PRORP: variants seen among roughly 807,000 people sequenced by gnomAD.
The protein encoded by PRORP is protein only RNase P catalytic subunit.
Under a neutral mutation model 59.4 loss-of-function variants are expected in PRORP, and 51 were observed. The observed-to-expected ratio is 0.86, with a 90% CI of 0.69 to 1.08. The LOEUF (loss-of-function observed/expected upper bound fraction) is 1.08. Among genes scored for constraint, PRORP ranks in the 50% least tolerant of loss-of-function variants. PRORP has a pLI of 0.00. For missense variants in PRORP, 646 were observed against 690.3 expected, an observed-to-expected ratio of 0.94 and a Z score of 0.72; for synonymous variants, 231 against 245.6, an observed-to-expected ratio of 0.94 and a Z score of 0.55.
intron 5 of PRORP, among the ~76,000 whole-genome samples, chr14:35,223,510 A>C (rs2049850206): frequency 7.5e-6 from 1 of 132,832 alleles, no homozygotes; most frequent in South Asian, 2.3e-4. Context: ...CCCAGGCTGG[A>C]GTGCAGTGGT....
chr14:35,122,960 A>G lies in PRORP; in HGVS notation c.-286A>G. The G allele has an allele frequency of 2.8e-6, 1 of 361,002 alleles. No individual in the cohort carries two copies. The highest frequency in any genetic ancestry group is 5.1e-6 in the Non-Finnish European group (1 of 196,216). The allele number at this position is 361,002 out of a possible 1,614,324, so 22.4% of individuals were successfully genotyped here. ...TTGTGCTTTTTCCTCAGGTTCATGA[A>G]CTGGAATGTAAGAGGCACCAGAGGA... On this transcript the variant is annotated 5_prime_UTR_variant, in exon 2 of 8. Transcript: ENST00000534898.
chr14:35,157,338 A>G (rs918010367), intron 4 of PRORP, among the ~76,000 whole-genome samples: 2 of 152,084 alleles, frequency 1.3e-5, no homozygotes, highest in African/African-American at 4.8e-5. Context: ...GTTTCTTCCC[A>G]AGTCATTCAC....
At chr14:35,192,447 G>A (rs1388093138) in intron 5 of PRORP, among the ~76,000 whole-genome samples, 1 of 152,124 alleles carries the variant, frequency 6.6e-6, no homozygotes, top group Non-Finnish European at 1.5e-5. Context: ...TGCCTGGATT[G>A]TCTTTTTCAA....
chr14:35,173,376 G>T (rs954705351), intron 4 of PRORP, among the ~76,000 whole-genome samples: 16 of 152,150 alleles, frequency 1.1e-4, no homozygotes, highest in Admixed American at 6.5e-5. Context: ...ACTCCAAACT[G>T]TCTCCCTTGC....
intron 5 of PRORP, among the ~76,000 whole-genome samples, chr14:35,216,456 G>A (rs1484542961): frequency 6.6e-6 from 1 of 151,686 alleles, no homozygotes; most frequent in African/African-American, 2.4e-5. Context: ...CCAGAGGCAC[G>A]TGCCACCACA....
At chr14:35,132,805 A>C (rs982157615) in intron 4 of PRORP, among the ~76,000 whole-genome samples, 1 of 151,526 alleles carries the variant, frequency 6.6e-6, no homozygotes, top group African/African-American at 2.4e-5. Flanking sequence ...AAAAAAGGGA[A>C]GAAGGAAAGG....
chr14:35,165,582 AT>A (rs958559296), intron 4 of PRORP, among the ~76,000 whole-genome samples: 3 of 151,958 alleles, frequency 2.0e-5, no homozygotes, highest in African/African-American at 7.3e-5. Context: ...AGTGTGTAGG[AT>A]TTTTTTCTTT....
chr14:35,155,059 A>G (rs1220981413), intron 4 of PRORP, among the ~76,000 whole-genome samples: 1 of 151,916 alleles, frequency 6.6e-6, no homozygotes, highest in Non-Finnish European at 1.5e-5. Flanking sequence ...CACATCAGCT[A>G]AGTTTTGTAC....
At chr14:35,209,595 A>G (rs2049385190) in intron 5 of PRORP, among the ~76,000 whole-genome samples, 1 of 152,084 alleles carries the variant, frequency 6.6e-6, no homozygotes, top group Non-Finnish European at 1.5e-5. Flanking sequence ...TCTGTTGCCC[A>G]GGCTGGAGTG....
At chr14:35,207,127 T>C (rs1038520469) in intron 5 of PRORP, among the ~76,000 whole-genome samples, 5 of 152,196 alleles carry the variant, frequency 3.3e-5, no homozygotes, top group African/African-American at 1.2e-4. Flanking sequence ...AACAGCCTAA[T>C]ATGCCAAACA....
chr14:35,137,854 A>T (rs2047406626), intron 4 of PRORP, among the ~76,000 whole-genome samples: 1 of 145,486 alleles, frequency 6.9e-6, no homozygotes, highest in Non-Finnish European at 1.5e-5. Context: ...AGGAAGGCCA[A>T]AGAGCACTAT....
intron 5 of PRORP, among the ~76,000 whole-genome samples, chr14:35,265,117 A>C (rs1479973059): frequency 6.6e-6 from 1 of 152,244 alleles, no homozygotes; most frequent in Non-Finnish European, 1.5e-5. Flanking sequence ...CTGATTAAAT[A>C]AATGAATTCA....
At chr14:35,271,803 T>C (rs1229949060) in intron 7 of PRORP, among the ~76,000 whole-genome samples, 1 of 152,126 alleles carries the variant, frequency 6.6e-6, no homozygotes, top group Non-Finnish European at 1.5e-5. Flanking sequence ...GGCAGGTGGA[T>C]CACTTGAGGG....
chr14:35,233,710 CT>C (rs911881646), intron 5 of PRORP, among the ~76,000 whole-genome samples: 3 of 150,904 alleles, frequency 2.0e-5, no homozygotes, highest in South Asian at 2.1e-4. Flanking sequence ...TTTTCGTTTC[CT>C]TTTTTTTTCC....
chr14:35,264,254 A>G (rs2050980972), intron 5 of PRORP, among the ~76,000 whole-genome samples: 1 of 151,910 alleles, frequency 6.6e-6, no homozygotes, highest in African/African-American at 2.4e-5. Context: ...CAGCCTCCCC[A>G]GTAGCTGGGA....
rs746022783 is a variant in PRORP, at chr14:35,126,769, A to G, written c.1021A>G (p.Thr341Ala). 1 of 1,610,110 alleles carries G rather than the reference A, an allele frequency of 6.2e-7. No individual in the cohort carries two copies. Among genetic ancestry groups the G allele is most frequent in the Non-Finnish European group, 8.5e-7 (1 of 1,177,864 alleles). Reference protein sequence around the residue: ...PGKQWKGQFTTVRKSGQCSGC... With the variant: ...PGKQWKGQFTAVRKSGQCSGC... ...AAAACAATGGAAAGGACAATTCACCACAGTCCGAAAAAGGTGAAGACCAAT... is the reference window on the plus strand; with the variant it reads ...AAAACAATGGAAAGGACAATTCACCGCAGTCCGAAAAAGGTGAAGACCAAT... The change falls in exon 3 of 8, where the codon ACA becomes GCA. Residue 341 changes from threonine to alanine, a missense_variant. Physicochemically the swap from Thr to Ala is moderately conservative, Grantham distance 58 (BLOSUM62 0). Coordinates refer to ENST00000534898, the MANE Select transcript of PRORP (RefSeq NM_014672.4).
intron 5 of PRORP, among the ~76,000 whole-genome samples, chr14:35,265,099 T>A (rs2051009454): frequency 6.6e-6 from 1 of 152,232 alleles, no homozygotes; most frequent in Non-Finnish European, 1.5e-5. Context: ...GAATGTAATA[T>A]TTGATAGCTG....
At chr14:35,165,215 G>A (rs966227345) in intron 4 of PRORP, among the ~76,000 whole-genome samples, 1 of 152,032 alleles carries the variant, frequency 6.6e-6, no homozygotes, top group Non-Finnish European at 1.5e-5. Flanking sequence ...GTCTTACTAC[G>A]TTGCCCAGGC....
At chr14:35,268,216 C>T (rs1228798361) in intron 6 of PRORP, among the ~76,000 whole-genome samples, 6 of 151,848 alleles carry the variant, frequency 4.0e-5, no homozygotes, top group Non-Finnish European at 7.4e-5. Flanking sequence ...TGGTGGCACA[C>T]GCCTTGTAGT....
Sources: allele counts gnomAD v4.1 joint callset (sites outside exome capture counted in the v4.1 genomes callset), GRCh38; gene constraint gnomAD v4.1.1; transcripts MANE v1.5; gene names NCBI Gene and HGNC (gene_info 2026-07-23, HGNC 2026-07-21).